MYOF: variants seen among roughly 807,000 people sequenced by gnomAD.
MYOF encodes the protein fer-1-like 3, myoferlin.
A neutral mutation model predicts 284.2 loss-of-function variants in MYOF; 244 were observed. That is an observed-to-expected ratio of 0.86 (90% confidence interval 0.77 to 0.95). MYOF has a LOEUF of 0.95. MYOF is among the 40% of genes least tolerant of loss of function. MYOF has a pLI of 0.00. For synonymous variants in MYOF, 904 were observed against 919.7 expected, an observed-to-expected ratio of 0.98 and a Z score of 0.31; for missense variants, 2,496 against 2,560.6, an observed-to-expected ratio of 0.97 and a Z score of 0.54.
At chr10:93,414,545 CA>C (rs1176838886) in intron 5 of MYOF, among the ~76,000 whole-genome samples, 1 of 152,140 alleles carries the variant, frequency 6.6e-6, no homozygotes, top group East Asian at 1.9e-4. Flanking sequence ...TCTCAAAAAA[CA>C]AAACAAACAA....
At chr10:93,360,507 T>G (rs1845020241) in intron 28 of MYOF, among the ~76,000 whole-genome samples, 1 of 152,240 alleles carries the variant, frequency 6.6e-6, no homozygotes, top group Non-Finnish European at 1.5e-5. Flanking sequence ...GCTCAGTCAA[T>G]GCTAACGATT....
At position 93,359,944 on chromosome 10, in the gene MYOF, A is replaced by C; in HGVS notation, c.3009T>G (p.His1003Gln). The C allele has an allele frequency of 6.2e-7, 1 of 1,614,184 alleles. No homozygotes were observed. The highest frequency in any genetic ancestry group is 8.5e-7 in the Non-Finnish European group (1 of 1,180,028). The change falls in exon 29 of 54, where the codon CAT becomes CAG. Residue 1003 changes from histidine to glutamine, a missense_variant. Physicochemically the swap from His to Gln is conservative, Grantham distance 24. This residue lies in a region of MYOF where 2,436 missense variants were observed against 2,480.7 expected (regional missense o/e 0.98). Transcript: ENST00000359263. ...WEYGITIPPD[H>Q]KPKSWVAAEK... ...CTGCTGCAACCCAGGATTTGGGCTT[A>C]TGATCAGGAGGAATGGTGATTCCAT...
At chr10:93,469,493 G>A (rs963334824) in intron 1 of MYOF, among the ~76,000 whole-genome samples, 26 of 152,286 alleles carry the variant, frequency 1.7e-4, no homozygotes, top group African/African-American at 6.3e-4. Context: ...CCATCATAAT[G>A]TGTCCAACAC....
chr10:93,467,194 T>G (rs1416879239), intron 1 of MYOF, among the ~76,000 whole-genome samples: 5 of 151,946 alleles, frequency 3.3e-5, no homozygotes, highest in African/African-American at 1.2e-4. Flanking sequence ...ACTTTAAGTT[T>G]TAGGGTACAT....
rs1842791331 is a variant in MYOF at position 93,320,133 on chromosome 10, T to C, written c.5457-120A>G. 4.1e-6 allele frequency: 5 copies of C among 1,218,400 alleles called. No homozygotes were observed. In the South Asian group the frequency reaches 7.2e-5, roughly 17 times the overall value. The allele number at this position is 1,218,400 out of a possible 1,614,324, so 75.5% of individuals were successfully genotyped here. On this transcript the variant is annotated intron_variant, in intron 48 of 53. Coordinates refer to ENST00000359263, the MANE Select transcript of MYOF (RefSeq NM_013451.4). The stretch of plus-strand genomic sequence containing the variant: ...AATTAATGCACTTTTCTTGGGCAGA[T>C]TCCAGTTATCTTCGGAGCTGGGGGT...
intron 49 of MYOF, among the ~76,000 whole-genome samples, chr10:93,318,548 C>T (rs900230341): frequency 2.6e-5 from 4 of 152,064 alleles, no homozygotes; most frequent in Non-Finnish European, 5.9e-5. Context: ...CACCTGAGGT[C>T]AGGAGTTCAA....
At position 93,482,183 on chromosome 10, in the gene MYOF, C is replaced by T. The variant is rs767875448; in HGVS notation, c.12G>A (p.Val4=). ...GGATATTGCTGGCAGATTCCACAATCACTCGCAGCATGGTTCTTAGCTGGT... is the reference window on the plus strand; with the variant it reads ...GGATATTGCTGGCAGATTCCACAATTACTCGCAGCATGGTTCTTAGCTGGT... MLR[V]IVESASNIPK... The change falls in exon 1 of 54, where the codon GTG becomes GTA. Residue 4 remains valine (V), a synonymous_variant. Transcript: ENST00000359263. 3.1e-6 allele frequency: 5 copies of T among 1,613,980 alleles called. No individual in the cohort carries two copies. Among genetic ancestry groups the T allele is most frequent in the Non-Finnish European group, 4.2e-6 (5 of 1,179,986 alleles).
chr10:93,475,151 T>G (rs2057231753), intron 1 of MYOF, among the ~76,000 whole-genome samples: 1 of 152,304 alleles, frequency 6.6e-6, no homozygotes, highest in African/African-American at 2.4e-5. Context: ...TGTACCCTCA[T>G]GCCCAGTAAG....
At chr10:93,358,716 G>T (rs746582518) in intron 29 of MYOF, among the ~76,000 whole-genome samples, 2 of 152,094 alleles carry the variant, frequency 1.3e-5, no homozygotes, top group African/African-American at 2.4e-5. Context: ...ACCAAACACC[G>T]CATGTTCTCA....
At chr10:93,450,054 T>A (rs1325910503) in intron 3 of MYOF, among the ~76,000 whole-genome samples, 3 of 151,888 alleles carry the variant, frequency 2.0e-5, no homozygotes, top group Non-Finnish European at 2.9e-5. Context: ...GGCCAAGAGT[T>A]CGAGACCAGC....
At chr10:93,419,043 C>T (rs1162660008) in intron 5 of MYOF, among the ~76,000 whole-genome samples, 2 of 152,204 alleles carry the variant, frequency 1.3e-5, no homozygotes, top group Non-Finnish European at 2.9e-5. Context: ...CCATCAAGGA[C>T]AAATATCCCA....
At chr10:93,396,928 C>A (rs1274608660) in intron 15 of MYOF, among the ~76,000 whole-genome samples, 1 of 152,078 alleles carries the variant, frequency 6.6e-6, no homozygotes, top group Non-Finnish European at 1.5e-5. Context: ...GTGATTCTTC[C>A]CAAGAAATGC....
At position 93,408,973 on chromosome 10, in the gene MYOF, A is replaced by C. The variant is rs578172408; in HGVS notation, c.601-58T>G. The C allele has an allele frequency of 5.7e-5, 92 of 1,606,918 alleles. No homozygotes were observed. In the South Asian group the frequency reaches 6.5e-4, roughly 11 times the overall value. ...TTTCCCAGCACGTGGGATCCTTAGG[A>C]TCCTCAGGTGTTGCTTCATTTCCTT... is the stretch of plus-strand genomic sequence containing the variant. On this transcript the variant is annotated intron_variant, in intron 6 of 53. Transcript: ENST00000359263.
rs190404366 is a variant in MYOF at position 93,403,877 on chromosome 10, C to A, written c.843+146G>T. 7 of 808,852 alleles carry A rather than the reference C, an allele frequency of 8.7e-6. No homozygotes were observed. In the East Asian group the frequency reaches 1.5e-4, roughly 18 times the overall value. 50.1% of individuals were successfully genotyped at this position (808,852 alleles called of 1,614,324 possible). Reference sequence around the variant, plus strand: ...CTGTTATACTTTGGAAATAGACAAGCCCCAAGCAGCCTTCAGCAAGTGTCA... The same window carrying A: ...CTGTTATACTTTGGAAATAGACAAGACCCAAGCAGCCTTCAGCAAGTGTCA... On this transcript the variant is annotated intron_variant, in intron 9 of 53. Coordinates refer to ENST00000359263, the MANE Select transcript of MYOF (RefSeq NM_013451.4).
intron 5 of MYOF, among the ~76,000 whole-genome samples, chr10:93,425,083 C>T (rs1041224532): frequency 5.9e-5 from 9 of 151,910 alleles, no homozygotes. Context: ...GGATTACAGG[C>T]CTTCACCACC....
intron 35 of MYOF, among the ~76,000 whole-genome samples, chr10:93,350,505 G>T (rs1000310108): frequency 6.6e-6 from 1 of 152,050 alleles, no homozygotes; most frequent in Non-Finnish European, 1.5e-5. Context: ...TAGAGGCAGG[G>T]TTCCACCATG....
chr10:93,430,817 T>C (rs956828405), intron 4 of MYOF, among the ~76,000 whole-genome samples: 4 of 152,210 alleles, frequency 2.6e-5, no homozygotes, highest in Admixed American at 2.6e-4. Flanking sequence ...AGTTCTGTGA[T>C]TGAAAGTATA....
At chr10:93,308,707 T>C (rs1277757218) in intron 53 of MYOF, among the ~76,000 whole-genome samples, 2 of 152,070 alleles carry the variant, frequency 1.3e-5, no homozygotes, top group Non-Finnish European at 2.9e-5. Context: ...CTGCTGCTTG[T>C]ATGGCTACGA....
At chr10:93,310,509 T>C (rs1194731162) in intron 52 of MYOF, 25 bp downstream of exon 52, 1 of 1,607,490 alleles carries the variant, frequency 6.2e-7, no homozygotes, top group Non-Finnish European at 8.5e-7. Context: ...GTTTGGGGAG[T>C]GGGAGAACAA....
Sources: allele counts gnomAD v4.1 joint callset (sites outside exome capture counted in the v4.1 genomes callset), GRCh38; gene constraint gnomAD v4.1.1; regional missense constraint gnomAD v4.1.1; transcripts MANE v1.5; gene names NCBI Gene and HGNC (gene_info 2026-07-23, HGNC 2026-07-21).